PMFBP1: variants seen among roughly 807,000 people sequenced by gnomAD.
PMFBP1 encodes polyamine-modulated factor 1-binding protein 1.
PMFBP1 carries 131 observed loss-of-function variants against 137.8 expected under a neutral mutation model. That is an observed-to-expected ratio of 0.95 (90% CI 0.82 to 1.10). The LOEUF (loss-of-function observed/expected upper bound fraction) is 1.10, where lower values mean the gene tolerates loss of function less well. Ranked by LOEUF, PMFBP1 falls within the 50% of genes least tolerant of loss-of-function variation. The probability of loss-of-function intolerance (pLI) is 0.00; values close to 1 mark genes in which losing one functional copy is unlikely to be tolerated. For synonymous variants in PMFBP1, 490 were observed against 450.4 expected (o/e 1.09, Z -1.11); for missense variants, 1,199 against 1,175.4 (o/e 1.02, Z -0.29).
the PMFBP1 span, among the ~76,000 whole-genome samples, chr16:72,207,903 G>T: frequency 6.6e-6 from 1 of 152,142 alleles, no homozygotes; most frequent in African/African-American, 2.4e-5. Flanking sequence ...CCTGAGCATA[G>T]TACAAATTTC....
the PMFBP1 span, among the ~76,000 whole-genome samples, chr16:72,227,214 A>G: frequency 6.6e-6 from 1 of 152,220 alleles, no homozygotes; most frequent in Middle Eastern, 3.2e-3. Context: ...TTATATGGCT[A>G]ATAATTAGCA....
intron 14 of PMFBP1, 116 bp from the exon 15 acceptor site, chr16:72,126,248 G>GAC: frequency 6.8e-6 from 8 of 1,180,932 alleles, no homozygotes; most frequent in Non-Finnish European, 9.6e-6. Flanking sequence ...GCAACCTGCA[G>GAC]AGTCCGTGTT....
chr16:72,239,494 G>C, the PMFBP1 span, among the ~76,000 whole-genome samples: 3 of 151,966 alleles, frequency 2.0e-5, no homozygotes, highest in Non-Finnish European at 2.9e-5. Context: ...CCTAGTGTGG[G>C]CCTTTCTTTA....
At chr16:72,134,938 T>C (rs535993216) in intron 9 of PMFBP1, among the ~76,000 whole-genome samples, 4 of 152,336 alleles carry the variant, frequency 2.6e-5, no homozygotes, top group South Asian at 4.1e-4. Context: ...GCAAGCTCTA[T>C]GACAAGAGGC....
the PMFBP1 span, among the ~76,000 whole-genome samples, chr16:72,204,254 C>A: frequency 6.7e-6 from 1 of 150,212 alleles, no homozygotes; most frequent in Non-Finnish European, 1.5e-5. Context: ...GTGGCAGGAT[C>A]TTGGCTCACT....
chr16:72,141,617 A>G (rs551378389), intron 5 of PMFBP1, among the ~76,000 whole-genome samples: 1 of 152,312 alleles, frequency 6.6e-6, no homozygotes, highest in Admixed American at 6.5e-5. Context: ...CAATGCTAGT[A>G]CATGTGCTTC....
At position 72,136,530 on chromosome 16, in the gene PMFBP1, T is replaced by C. The variant is rs961389456; in HGVS notation, c.1121A>G (p.Asp374Gly). ...CAGCCGGCACTGCAGGATGGTGATGTCCTTATCCTTCCTCTCAATGTGGGC... is the reference window on the plus strand; with the variant it reads ...CAGCCGGCACTGCAGGATGGTGATGCCCTTATCCTTCCTCTCAATGTGGGC... ...TSAHIERKDK[D>G]ITILQCRLQE... The change falls in exon 9 of 21, where the codon GAC (aspartate) becomes GGC (glycine). Residue 374 changes from aspartate to glycine, a missense_variant. Physicochemically the swap from Asp to Gly is moderately conservative, Grantham distance 94. Transcript: ENST00000237353. 6.2e-7 allele frequency: 1 copy of C among 1,614,010 alleles called. No individual in the cohort carries two copies. Among genetic ancestry groups the C allele is most frequent in the Non-Finnish European group, 8.5e-7 (1 of 1,179,986 alleles).
At chr16:72,200,439 G>A in the PMFBP1 span, among the ~76,000 whole-genome samples, 1 of 152,210 alleles carries the variant, frequency 6.6e-6, no homozygotes, top group Non-Finnish European at 1.5e-5. Context: ...AAGGTTCTGG[G>A]AGGACATCTA....
At chr16:72,232,183 C>T in the PMFBP1 span, among the ~76,000 whole-genome samples, 1 of 152,094 alleles carries the variant, frequency 6.6e-6, no homozygotes, top group Admixed American at 6.6e-5. Flanking sequence ...AAAGAATGTC[C>T]CTCCATGCCT....
At chr16:72,180,192 A>G (rs1029577672), upstream of PMFBP1, among the ~76,000 whole-genome samples, 31 of 152,282 alleles carry the variant, frequency 2.0e-4, no homozygotes, top group African/African-American at 6.7e-4. Context: ...AAGCCAGCTA[A>G]GAGTAGGAAG....
At chr16:72,180,812 A>G (rs373442335), upstream of PMFBP1, among the ~76,000 whole-genome samples, 2 of 152,358 alleles carry the variant, frequency 1.3e-5, no homozygotes, top group African/African-American at 4.8e-5. Flanking sequence ...ACAAGTGGCA[A>G]TGAGGGAGGA....
the PMFBP1 span, among the ~76,000 whole-genome samples, chr16:72,195,072 G>A: frequency 5.3e-4 from 81 of 152,260 alleles, 1 homozygote; most frequent in South Asian, 0.015. Flanking sequence ...CTTGCTGTTC[G>A]GGTCTCCCTT....
chr16:72,221,970 G>T, the PMFBP1 span, among the ~76,000 whole-genome samples: 2 of 152,166 alleles, frequency 1.3e-5, no homozygotes, highest in Non-Finnish European at 2.9e-5. Flanking sequence ...CAGGCACTTT[G>T]CCGGGCTCAG....
chr16:72,218,271 T>C, the PMFBP1 span, among the ~76,000 whole-genome samples: 1 of 152,222 alleles, frequency 6.6e-6, no homozygotes, highest in African/African-American at 2.4e-5. Context: ...CAATGGAATC[T>C]ACCAGAAAAC....
the PMFBP1 span, among the ~76,000 whole-genome samples, chr16:72,206,949 G>A: frequency 6.6e-6 from 1 of 152,112 alleles, no homozygotes; most frequent in Non-Finnish European, 1.5e-5. Context: ...TTATGTTTCA[G>A]AGTTGGAAGG....
chr16:72,175,933 ATGTGCAGAGGCTTGG>A (rs1296218724), upstream of PMFBP1, among the ~76,000 whole-genome samples: 9 of 152,224 alleles, frequency 5.9e-5, no homozygotes, highest in Admixed American at 5.2e-4. Flanking sequence ...ATTGGAGCCA[ATGTGCAGAGGCTTGG>A]TGTGCAGAGG....
chr16:72,229,489 T>C, the PMFBP1 span, among the ~76,000 whole-genome samples: 1 of 152,190 alleles, frequency 6.6e-6, no homozygotes, highest in East Asian at 1.9e-4. Context: ...TAAGCATTCC[T>C]TTTTCTCCAC....
chr16:72,189,016 C>G, the PMFBP1 span, among the ~76,000 whole-genome samples: 76 of 151,854 alleles, frequency 5.0e-4, no homozygotes, highest in African/African-American at 1.8e-3. Flanking sequence ...CAGTCGGTAG[C>G]AGATGATTAA....
At chr16:72,120,489 G>A (rs757160065) in intron 19 of PMFBP1, among the ~76,000 whole-genome samples, 1 of 152,150 alleles carries the variant, frequency 6.6e-6, no homozygotes, top group African/African-American at 2.4e-5. Context: ...TCTCATGGCC[G>A]TGCCTTGGAA....
Sources: gnomAD v4.1 joint callset for allele counts (sites outside exome capture counted in the v4.1 genomes callset) on GRCh38, gnomAD v4.1.1 for gene constraint, MANE v1.5 for transcripts, NCBI Gene and HGNC (gene_info 2026-07-23, HGNC 2026-07-21) for gene names.